Variants in HLA-DPA1 observed in about 807,000 individuals in gnomAD.
HLA-DPA1 encodes the protein HLA class II histocompatibility antigen, DP alpha 1 chain.
A neutral mutation model predicts 21.5 loss-of-function variants in HLA-DPA1; 20 were observed. The observed-to-expected ratio is 0.93, with a 90% CI of 0.66 to 1.35. The LOEUF is 1.35. Among genes scored for constraint, HLA-DPA1 ranks in the 40% most tolerant of loss-of-function variants. HLA-DPA1 has a pLI of 0.00. For missense variants in HLA-DPA1, 279 were observed against 323.0 expected, an observed-to-expected ratio of 0.86 and a Z score of 1.05; for synonymous variants, 123 against 129.6, an observed-to-expected ratio of 0.95 and a Z score of 0.35.
intron 2 of HLA-DPA1, among the ~76,000 whole-genome samples, chr6:33,072,476 T>C (rs2150362659): frequency 6.6e-6 from 1 of 152,330 alleles, no homozygotes; most frequent in African/African-American, 2.4e-5. Flanking sequence ...TACTAAAAAG[T>C]ATTTGCATCT....
chr6:33,066,677 G>C (rs1312632202), intron 5 of HLA-DPA1: 2 of 152,064 alleles, frequency 1.3e-5, no homozygotes, highest in Non-Finnish European at 2.9e-5. Context: ...AACTGACAAG[G>C]GACTACTAGC....
intron 2 of HLA-DPA1, among the ~76,000 whole-genome samples, chr6:33,071,635 C>T (rs1583096527): frequency 6.6e-6 from 1 of 152,068 alleles, no homozygotes; most frequent in African/African-American, 2.4e-5. Context: ...GTTCTGCAGA[C>T]GCGTATAAGT....
At chr6:33,066,337 A>G (rs116683794) in intron 5 of HLA-DPA1, 3,355 of 152,314 alleles carry the variant, frequency 0.022, 49 homozygotes, top group Middle Eastern at 0.078. Flanking sequence ...AGGAGACACT[A>G]CTAACCTATG....
exon 2 of HLA-DPA1, chr6:33,073,621 A>G (rs1380744130): frequency 8.9e-6 from 12 of 1,348,360 alleles, no homozygotes; most frequent in Non-Finnish European, 1.3e-5. Flanking sequence ...GTGATGAGGA[A>G]CTGAGGCCGA....
chr6:33,080,294 C>T lies in HLA-DPA1; in HGVS notation c.-100+386G>A. 2.5e-6 allele frequency: 1 copy of T among 400,392 alleles called. No individual in the cohort carries two copies. The highest frequency in any genetic ancestry group is 4.9e-6 in the Non-Finnish European group (1 of 204,562). The allele number at this position is 400,392 out of a possible 1,614,324, so 24.8% of individuals were successfully genotyped here. On this transcript the variant is annotated intron_variant, in intron 1 of 5. Transcript: ENST00000419277. This position sits in a 1 kb window ranked among gnomAD's most constrained non-coding sequence, Gnocchi z 4.3. ...CAGTCAGGGAGTTAAGTAGGGGGAG[C>T]AGCTCCGCCCTCCACGTCCCCAGCT... is the stretch of plus-strand genomic sequence containing the variant.
At position 33,074,548 on chromosome 6, in the gene HLA-DPA1, G is replaced by A. The variant is rs149956570; in HGVS notation, c.-99-879C>T. 3.5e-3 allele frequency among the ~76,000 whole-genome samples: 526 copies of A among 152,128 alleles called. 3 individuals carry two copies. Among genetic ancestry groups the A allele is most frequent in the East Asian group, 0.025 (129 of 5,184 alleles). ...TATTTATTTGATACTCATAGAGAAG[G>A]TCACAAAACATTTACTATTTAATGT... On this transcript the variant is annotated intron_variant, in intron 1 of 5. Transcript: ENST00000419277.
chr6:33,068,511 G>A (rs72879608), intron 5 of HLA-DPA1, 127 bp downstream of exon 4: 150,076 of 703,844 alleles, frequency 0.21, 23,950 homozygotes, highest in East Asian at 0.63. Flanking sequence ...TTAGTTATCG[G>A]TGTTGTTGTT....
intron 2 of HLA-DPA1, 72 bp downstream of exon 1, chr6:33,073,399 C>T (rs1431400): frequency 0.23 from 218,867 of 945,574 alleles, 33,646 homozygotes; most frequent in East Asian, 0.64. Flanking sequence ...AATCTGTGAT[C>T]CCTGAAGCAG....
chr6:33,068,635 C>A lies in HLA-DPA1; in HGVS notation c.*12+3G>T, dbSNP rs1353158933. 1 of 1,603,504 alleles carries A rather than the reference C, an allele frequency of 6.2e-7. No homozygotes were observed. The highest frequency in any genetic ancestry group is 1.7e-5 in the Admixed American group (1 of 58,840). ...TCCTAGGGCCTCCTCTTTACATTCC[C>A]ACCTTTACAGTATTTCACAGGGTCC... On this transcript the variant is annotated splice_donor_region_variant and intron_variant, in intron 5 of 5. Transcript: ENST00000419277.
At chr6:33,065,903 T>G (rs182927558) in intron 5 of HLA-DPA1, 1 of 152,180 alleles carries the variant, frequency 6.6e-6, no homozygotes. Context: ...TTCTCCATTT[T>G]TGTTAAATAC....
At chr6:33,068,682 C>A in exon 5 of HLA-DPA1, 1 of 1,612,898 alleles carries the variant, frequency 6.2e-7, no homozygotes, top group Non-Finnish European at 8.5e-7. Context: ...GGGTCATGGC[C>A]AGAACGCAGA....
exon 2 of HLA-DPA1, chr6:33,073,476 A>G: frequency 6.2e-7 from 1 of 1,610,378 alleles, no homozygotes; most frequent in Non-Finnish European, 8.5e-7. Context: ...CTCACCCTTG[A>G]TGGCCCCAGC....
rs754800174 is a variant in HLA-DPA1 at position 33,069,298 on chromosome 6, G to A, written c.349C>T (p.Pro117Ser). The A allele has an allele frequency of 1.9e-6, 3 of 1,611,304 alleles. No individual in the cohort carries two copies. In the African/African-American group the frequency reaches 4.0e-5, roughly 22 times the overall value. ...TTGGGAAACACGGTCACCTCAGGGGGATCTGGAAGGAGACAGCACCAGGTT... is the reference window on the plus strand; with the variant it reads ...TTGGGAAACACGGTCACCTCAGGGGAATCTGGAAGGAGACAGCACCAGGTT... Residue 117 changes from proline (P) to serine (S), a missense_variant and splice_region_variant, in exon 4 of 6, where the codon CCC becomes TCC. Physicochemically the swap from Pro to Ser is moderately conservative, Grantham distance 74. Transcript: ENST00000419277.
Position 33,080,372 on chromosome 6 carries a change from C to T in HLA-DPA1, c.-100+308G>A. The stretch of plus-strand genomic sequence containing the variant: ...GACCCCACGTGAAACGTCTCCGCCT[C>T]CTCCAGCCACCAGCAGAAGGGACTG... On this transcript the variant is annotated intron_variant, in intron 1 of 5. Transcript: ENST00000419277. The surrounding 1 kb of genome is among the most constrained non-coding windows in gnomAD (Gnocchi z 4.3). The T allele has an allele frequency of 1.6e-6, 1 of 607,712 alleles. No homozygotes were observed. Among genetic ancestry groups the T allele is most frequent in the East Asian group, 3.7e-5 (1 of 27,124 alleles). The allele number at this position is 607,712 out of a possible 1,614,324, so 37.6% of individuals were successfully genotyped here.
chr6:33,072,674 A>T (rs1762336973), intron 2 of HLA-DPA1, among the ~76,000 whole-genome samples: 1 of 152,088 alleles, frequency 6.6e-6, no homozygotes, highest in African/African-American at 2.4e-5. Flanking sequence ...CTTCCCCATC[A>T]CTAGATTTTG....
chr6:33,079,671 G>A, intron 1 of HLA-DPA1: 1 of 482,990 alleles, frequency 2.1e-6, no homozygotes, highest in Non-Finnish European at 4.1e-6. Context: ...CTGCCCAGTG[G>A]CTTCCAGAAG....
chr6:33,068,547 C>A, intron 5 of HLA-DPA1, 91 bp downstream of exon 4: 1 of 1,029,852 alleles, frequency 9.7e-7, no homozygotes, highest in South Asian at 1.6e-5. Flanking sequence ...GCTTTTAACC[C>A]ATTAGAAGAT....
chr6:33,076,019 T>G, intron 1 of HLA-DPA1: 1 of 1,590,038 alleles, frequency 6.3e-7, no homozygotes, highest in Non-Finnish European at 8.6e-7. Flanking sequence ...GCTCTTTTCA[T>G]TTTGCCATCC....
Position 33,070,382 on chromosome 6 carries a change from G to A in HLA-DPA1, c.101-496C>T, listed in dbSNP as rs189170144. Among the ~76,000 whole-genome samples the A allele has an allele frequency of 3.6e-3, 541 of 152,174 alleles. 3 individuals carry two copies. Among genetic ancestry groups the A allele is most frequent in the East Asian group, 0.026 (133 of 5,186 alleles). ...CGGCTACTGGCGGAACTAGTAGAGAGGTTTTCTCTCCCATTAAGATCTTAA... is the reference window on the plus strand; with the variant it reads ...CGGCTACTGGCGGAACTAGTAGAGAAGTTTTCTCTCCCATTAAGATCTTAA... On this transcript the variant is annotated intron_variant, in intron 2 of 5. Transcript: ENST00000419277.
Sources: allele counts gnomAD v4.1 joint callset (sites outside exome capture counted in the v4.1 genomes callset), GRCh38; gene constraint gnomAD v4.1.1; non-coding constraint Gnocchi (gnomAD v3.1); transcripts MANE v1.5; gene names NCBI Gene and HGNC (gene_info 2026-07-23, HGNC 2026-07-21).